MPST: variants seen among roughly 807,000 people sequenced by gnomAD.
The protein encoded by MPST is 3-mercaptopyruvate sulfurtransferase.
A neutral mutation model predicts 28.5 loss-of-function variants in MPST; 27 were observed. The ratio of observed to expected loss-of-function variants is 0.95; its 90% CI spans 0.70 to 1.31. The LOEUF (loss-of-function observed/expected upper bound fraction) is 1.31, where lower values mean the gene tolerates loss of function less well. MPST is among the 50% of genes most tolerant of loss of function. The pLI is 0.00. For synonymous variants in MPST, 204 were observed against 209.3 expected, an observed-to-expected ratio of 0.97 and a Z score of 0.22; for missense variants, 492 against 471.1, an observed-to-expected ratio of 1.04 and a Z score of -0.41.
chr22:37,028,061 G>A (rs1388290368), intron 2 of MPST: 1 of 152,200 alleles, frequency 6.6e-6, no homozygotes, highest in Non-Finnish European at 1.5e-5. Flanking sequence ...AGAAAGTATA[G>A]CTGACCGTCT....
In MPST at chr22:37,029,569, C is replaced by G; in HGVS notation, c.*55C>G. The G allele has an allele frequency of 2.7e-6, 4 of 1,481,874 alleles. No individual in the cohort carries two copies. Among genetic ancestry groups the G allele is most frequent in the Non-Finnish European group, 3.6e-6 (4 of 1,097,434 alleles). The allele number at this position is 1,481,874 out of a possible 1,614,324, so 91.8% of individuals were successfully genotyped here. Reference sequence around the variant, plus strand: ...GATGCCGGCCACCAGCAATGCCTGGCCTGGTAGCTCCGCTTCTGCTTTCAC... The same window carrying G: ...GATGCCGGCCACCAGCAATGCCTGGGCTGGTAGCTCCGCTTCTGCTTTCAC... On this transcript the variant is annotated 3_prime_UTR_variant, in exon 3 of 3. Coordinates refer to ENST00000429360, the MANE Select transcript of MPST (RefSeq NM_021126.8).
chr22:37,025,132 G>T, intron 2 of MPST: 1 of 1,403,768 alleles, frequency 7.1e-7, no homozygotes, highest in Middle Eastern at 2.0e-4. Flanking sequence ...CATGAGGTGG[G>T]GAAGGAGATT....
chr22:37,028,541 A>T (rs1176455655), intron 2 of MPST: 1 of 150,578 alleles, frequency 6.6e-6, no homozygotes. Flanking sequence ...AAAAAAAAAA[A>T]AAAGAACAAA....
chr22:37,023,885 G>T, intron 1 of MPST: 1 of 1,487,080 alleles, frequency 6.7e-7, no homozygotes, highest in Non-Finnish European at 9.0e-7. Flanking sequence ...GCAGGGCCTT[G>T]CCCTAGGATA....
In MPST at chr22:37,024,369, C is replaced by T; in HGVS notation, c.214C>T (p.Arg72Cys). ...CGACGCGCGACGCGAGTTCGAGGAGCGCCACATCCCGGGCGCCGCTTTCTT... is the reference window on the plus strand; with the variant it reads ...CGACGCGCGACGCGAGTTCGAGGAGTGCCACATCCCGGGCGCCGCTTTCTT... ...GRDARREFEERHIPGAAFFDI... is the reference protein window; with the variant it reads ...GRDARREFEECHIPGAAFFDI... Residue 72 changes from arginine to cysteine, a missense_variant, in exon 2 of 3, where the codon CGC becomes TGC. Arg to Cys is a radical substitution (Grantham distance 180). Transcript: ENST00000429360. The T allele has an allele frequency of 6.5e-7, 1 of 1,544,260 alleles. No homozygotes were observed. Among genetic ancestry groups the T allele is most frequent in the East Asian group, 2.4e-5 (1 of 40,882 alleles).
At position 37,024,804 on chromosome 22, in the gene MPST, C is replaced by T; in HGVS notation, c.649C>T (p.Arg217Ter). The T allele has an allele frequency of 2.5e-6, 4 of 1,603,034 alleles. No individual in the cohort carries two copies. The highest frequency in any genetic ancestry group is 3.4e-6 in the Non-Finnish European group (4 of 1,178,930). ...GTTCCGCGGCACCGAGCCCGAGCCC[C>T]GAGACGGTAACGCGGGGGAAGGGGG... is the stretch of plus-strand genomic sequence containing the variant. ...GRFRGTEPEP[R>*]DGIEPGHIPG... is the part of the protein sequence containing the mutation. Residue 217 changes from arginine to a stop codon, truncating the protein, a stop_gained, in exon 2 of 3, where the codon CGA (arginine) becomes TGA (stop). Coordinates refer to ENST00000429360, the MANE Select transcript of MPST (RefSeq NM_021126.8). LOFTEE classifies it high-confidence loss of function.
In MPST at chr22:37,024,424, C is replaced by T. The variant is rs751769142; in HGVS notation, c.269C>T (p.Ser90Leu). Residue 90 changes from serine (S) to leucine (L), a missense_variant, in exon 2 of 3, where the codon TCG becomes TTG. Ser to Leu is a moderately radical substitution (Grantham distance 145, BLOSUM62 -2). Transcript: ENST00000429360. The part of the protein sequence containing the change: ...FDIDQCSDRT[S>L]PYDHMLPGAE... ...ATCGACCAGTGCAGCGACCGCACCTCGCCCTACGACCACATGCTGCCCGGG... is the reference window on the plus strand; with the variant it reads ...ATCGACCAGTGCAGCGACCGCACCTTGCCCTACGACCACATGCTGCCCGGG... 2.9e-5 allele frequency: 44 copies of T among 1,542,082 alleles called. No homozygotes were observed. Among genetic ancestry groups the T allele is most frequent in the Non-Finnish European group, 3.8e-5 (43 of 1,141,566 alleles).
rs760998634 is a variant in MPST, at chr22:37,024,612, C to T, written c.457C>T (p.Arg153Cys). Residue 153 changes from arginine to cysteine, a missense_variant, in exon 2 of 3, where the codon CGC becomes TGC. Transcript: ENST00000429360. ...CGTGTCACTGCTTGATGGCGGCCTC[C>T]GCCACTGGCTGCGCCAGAACCTCCC... ...HAVSLLDGGL[R>C]HWLRQNLPLS... is the part of the protein sequence containing the mutation. The T allele has an allele frequency of 2.5e-6, 4 of 1,596,834 alleles. No individual in the cohort carries two copies. The African/African-American group carries it at 5.3e-5, about 21-fold the overall frequency.
intron 1 of MPST, among the ~76,000 whole-genome samples, chr22:37,020,340 G>C (rs1862325880): frequency 6.6e-6 from 1 of 152,082 alleles, no homozygotes; most frequent in Non-Finnish European, 1.5e-5. Context: ...GCGGCAGAGC[G>C]AGTTGCTGGA....
At chr22:37,026,437 A>ATG (rs1923532106) in intron 2 of MPST, 2 of 152,254 alleles carry the variant, frequency 1.3e-5, no homozygotes, top group South Asian at 4.1e-4. Flanking sequence ...ATGGGAGGTG[A>ATG]TACACGCCTA....
rs746971551 is a variant in MPST, at chr22:37,029,309, G to A, written c.749G>A (p.Arg250His). 83 of 1,614,032 alleles carry A rather than the reference G, an allele frequency of 5.1e-5. No individual in the cohort carries two copies. The highest frequency in any genetic ancestry group is 6.7e-5 in the Non-Finnish European group (79 of 1,180,018). ...EGLEKSPEEIRHLFQEKKVDL... is the reference protein window; with the variant it reads ...EGLEKSPEEIHHLFQEKKVDL... ...CTGGAGAAGAGCCCTGAGGAGATCC[G>A]CCATCTGTTCCAGGAGAAGAAAGTG... Residue 250 changes from arginine (R) to histidine (H), a missense_variant, in exon 3 of 3, where the codon CGC becomes CAC. Coordinates refer to ENST00000429360, the MANE Select transcript of MPST (RefSeq NM_021126.8).
Position 37,024,380 on chromosome 22 carries a change from G to C in MPST, c.225G>C (p.Pro75=), listed in dbSNP as rs932673398. The part of the protein sequence containing the change: ...ARREFEERHI[P]GAAFFDIDQC... ...GCGAGTTCGAGGAGCGCCACATCCC[G>C]GGCGCCGCTTTCTTCGACATCGACC... is the stretch of plus-strand genomic sequence containing the variant. Residue 75 remains proline (P), a synonymous_variant, in exon 2 of 3, where the codon CCG becomes CCC. Transcript: ENST00000429360. 2 of 1,544,838 alleles carry C rather than the reference G, an allele frequency of 1.3e-6. No homozygotes were observed. Among genetic ancestry groups the C allele is most frequent in the Admixed American group, 3.9e-5 (2 of 50,792 alleles).
chr22:37,029,450 T>C lies in MPST; in HGVS notation c.890T>C (p.Val297Ala). Residue 297 changes from valine to alanine, a missense_variant, in exon 3 of 3, where the codon GTG (valine) becomes GCG (alanine). Physicochemically the swap from Val to Ala is moderately conservative, Grantham distance 64 (BLOSUM62 0). Coordinates refer to ENST00000429360, the MANE Select transcript of MPST (RefSeq NM_021126.8). ...PDVPIYDGSW[V>A]EWYMRARPED... Reference sequence around the variant, plus strand: ...GTGCCCATCTACGATGGCTCCTGGGTGGAGTGGTACATGCGCGCCCGGCCC... The same window carrying C: ...GTGCCCATCTACGATGGCTCCTGGGCGGAGTGGTACATGCGCGCCCGGCCC... 3.1e-6 allele frequency: 5 copies of C among 1,613,442 alleles called. No homozygotes were observed. Among genetic ancestry groups the C allele is most frequent in the Non-Finnish European group, 4.2e-6 (5 of 1,179,964 alleles).
intron 1 of MPST, among the ~76,000 whole-genome samples, chr22:37,021,414 T>C (rs182030483): frequency 6.9e-4 from 105 of 152,270 alleles, no homozygotes; most frequent in African/African-American, 2.3e-3. Flanking sequence ...ATTTTAGATT[T>C]GCTGCTGGCA....
Position 37,019,859 on chromosome 22 carries a change from A to T in MPST, c.23A>T (p.Glu8Val). ...GCCATGGCGGAGCCAGGAAGCCGGG[A>T]GTCCGAGACCCGGGTAACTGCCGCG... MAEPGSR[E>V]SETRARSPSV... is the part of the protein sequence containing the mutation. Residue 8 changes from glutamate (E) to valine (V), a missense_variant, in exon 1 of 3, where the codon GAG (glutamate) becomes GTG (valine). Glu to Val is a moderately radical substitution (Grantham distance 121, BLOSUM62 -2). Coordinates refer to ENST00000429360, the MANE Select transcript of MPST (RefSeq NM_021126.8). 1.6e-6 allele frequency: 2 copies of T among 1,221,674 alleles called. No homozygotes were observed. The highest frequency in any genetic ancestry group is 1.0e-6 in the Non-Finnish European group (1 of 976,256). 75.7% of individuals were successfully genotyped at this position (1,221,674 alleles called of 1,614,324 possible).
Position 37,024,584 on chromosome 22 carries a change from C to T in MPST, c.429C>T (p.His143=), listed in dbSNP as rs1569166187. The T allele has an allele frequency of 1.3e-6, 2 of 1,592,786 alleles. No individual in the cohort carries two copies. Among genetic ancestry groups the T allele is most frequent in the East Asian group, 2.3e-5 (1 of 44,272 alleles). The part of the protein sequence containing the change: ...VWWMFRAFGH[H]AVSLLDGGLR... ...GGATGTTCCGCGCCTTCGGCCACCA[C>T]GCCGTGTCACTGCTTGATGGCGGCC... is the stretch of plus-strand genomic sequence containing the variant. Residue 143 remains histidine, a synonymous_variant, in exon 2 of 3, where the codon CAC becomes CAT. Transcript: ENST00000429360.
chr22:37,025,683 A>G (rs1396067182), intron 2 of MPST: 1 of 153,092 alleles, frequency 6.5e-6, no homozygotes, highest in African/African-American at 2.4e-5. Context: ...GTCTCAAGAA[A>G]CAACCCAGCC....
intron 1 of MPST, 85 bp from the exon 2 acceptor site, chr22:37,024,107 G>A: frequency 1.5e-6 from 2 of 1,304,698 alleles, no homozygotes; most frequent in Non-Finnish European, 9.9e-7. Context: ...CTCCCCCGCC[G>A]GCCCTCGCCC....
intron 2 of MPST, chr22:37,025,073 C>T (rs1215371603): frequency 1.3e-6 from 2 of 1,510,234 alleles, no homozygotes; most frequent in East Asian, 2.6e-5. Flanking sequence ...ACCTCCTGGG[C>T]TCAGGTGACC....
Sources: gnomAD v4.1 joint callset for allele counts (sites outside exome capture counted in the v4.1 genomes callset) on GRCh38, gnomAD v4.1.1 for gene constraint, MANE v1.5 for transcripts, NCBI Gene and HGNC (gene_info 2026-07-23, HGNC 2026-07-21) for gene names.